NFATC2: variants seen among roughly 807,000 people sequenced by gnomAD.
The protein encoded by NFATC2 is nuclear factor of activated T cells 2.
In NFATC2, 22 loss-of-function variants were observed where a neutral mutation model predicts 87.3. The ratio of observed to expected loss-of-function variants is 0.25; its 90% CI spans 0.18 to 0.36. The LOEUF is 0.36. Among genes scored for constraint, NFATC2 ranks in the 10% least tolerant of loss-of-function variants. The pLI, the probability that NFATC2 is intolerant of heterozygous loss-of-function variation, is 1.00. For synonymous variants in NFATC2, 565 were observed against 542.2 expected (o/e 1.04, Z -0.58); for missense variants, 1,149 against 1,259.1 (o/e 0.91, Z 1.32).
In NFATC2 at chr20:51,394,132, G is replaced by C. The variant is rs558390551; in HGVS notation, c.*45-2681C>G. ...CTGCCGCCCAAACCTCTCTGGGTAGGAACCTCCTCTTTCTGAAATGTCGGC... is the reference window on the plus strand; with the variant it reads ...CTGCCGCCCAAACCTCTCTGGGTAGCAACCTCCTCTTTCTGAAATGTCGGC... On this transcript the variant is annotated intron_variant, in intron 10 of 10. Transcript: ENST00000371564. Among the ~76,000 whole-genome samples the C allele has an allele frequency of 7.2e-4, 109 of 152,256 alleles. 1 individual carries two copies. Among genetic ancestry groups the C allele is most frequent in the African/African-American group, 2.6e-3 (106 of 41,538 alleles).
intron 3 of NFATC2, among the ~76,000 whole-genome samples, chr20:51,490,468 T>C (rs1449455535): frequency 6.6e-6 from 1 of 152,194 alleles, no homozygotes; most frequent in Non-Finnish European, 1.5e-5. Flanking sequence ...ACCTCAGTCA[T>C]TTTCCAGCCT....
At chr20:51,474,963 CTTTAT>C (rs952489727) in intron 4 of NFATC2, among the ~76,000 whole-genome samples, 2 of 147,162 alleles carry the variant, frequency 1.4e-5, no homozygotes, top group Non-Finnish European at 3.0e-5. Context: ...ACATATTATA[CTTTAT>C]TTATTTTTTT....
chr20:51,407,066 G>A (rs148659351), intron 9 of NFATC2, among the ~76,000 whole-genome samples: 4 of 152,232 alleles, frequency 2.6e-5, no homozygotes, highest in African/African-American at 4.8e-5. Context: ...GCCTGCTCAC[G>A]CCCCAGGGCC....
intron 9 of NFATC2, among the ~76,000 whole-genome samples, chr20:51,414,517 C>T (rs1198125407): frequency 1.3e-5 from 2 of 151,972 alleles, no homozygotes; most frequent in Admixed American, 6.5e-5. Context: ...GGCAAAACTC[C>T]ATCTCTACTA....
chr20:51,420,132 C>G (rs565476719), intron 9 of NFATC2, among the ~76,000 whole-genome samples: 2 of 152,234 alleles, frequency 1.3e-5, no homozygotes, highest in African/African-American at 4.8e-5. Flanking sequence ...AAGCATTCAT[C>G]CTGCTTTTCC....
rs977196033 is a variant in NFATC2, at chr20:51,562,143, T to C, written c.70+417A>G. Among the ~76,000 whole-genome samples, 23 of 152,196 alleles carry C rather than the reference T, an allele frequency of 1.5e-4. No homozygotes were observed. Among genetic ancestry groups the C allele is most frequent in the African/African-American group, 5.1e-4 (21 of 41,458 alleles). ...TTGCTGTATAGTAAAATGCCAAGCC[T>C]GTTCTCTTAAAAGAAAAAAAAGTAA... On this transcript the variant is annotated intron_variant, in intron 1 of 10. Transcript: ENST00000414705. The surrounding 1 kb of genome is among the most constrained non-coding windows in gnomAD (Gnocchi z 5.8).
At chr20:51,550,646 C>T (rs529122286) in intron 1 of NFATC2, among the ~76,000 whole-genome samples, 89 of 151,912 alleles carry the variant, frequency 5.9e-4, no homozygotes, top group Non-Finnish European at 1.1e-3. Context: ...ATATGCTTAA[C>T]CCACTGAACA....
chr20:51,447,245 A>C (rs909660787), intron 6 of NFATC2, among the ~76,000 whole-genome samples: 4 of 152,188 alleles, frequency 2.6e-5, no homozygotes, highest in African/African-American at 9.7e-5. Flanking sequence ...TTTCTAAAAA[A>C]TCAATTTGTC....
At chr20:51,547,905 T>C (rs547215467) in intron 1 of NFATC2, among the ~76,000 whole-genome samples, 1 of 152,306 alleles carries the variant, frequency 6.6e-6, no homozygotes, top group Admixed American at 6.5e-5. Context: ...TCATTATTTC[T>C]TACTTGGACA....
chr20:51,445,629 T>G (rs1479893219), intron 6 of NFATC2, among the ~76,000 whole-genome samples: 1 of 152,174 alleles, frequency 6.6e-6, no homozygotes, highest in Non-Finnish European at 1.5e-5. Context: ...CTCCACACGC[T>G]TTTCTCTCTT....
At chr20:51,449,379 A>T (rs2146406796) in intron 6 of NFATC2, among the ~76,000 whole-genome samples, 1 of 152,168 alleles carries the variant, frequency 6.6e-6, no homozygotes, top group Middle Eastern at 3.4e-3. Flanking sequence ...AGAGCCAGAC[A>T]TCCCCCGCAG....
chr20:51,445,026 T>C (rs228834), intron 6 of NFATC2, among the ~76,000 whole-genome samples: 138,190 of 152,010 alleles, frequency 0.91, 62,981 homozygotes, highest in African/African-American at 0.97. Context: ...CACCTCCCAG[T>C]TTCTCCGAGT....
intron 9 of NFATC2, among the ~76,000 whole-genome samples, chr20:51,405,890 C>A (rs1988519300): frequency 6.6e-6 from 1 of 152,212 alleles, no homozygotes; most frequent in African/African-American, 2.4e-5. Flanking sequence ...GATTCTCCTG[C>A]CTCAGCCTCC....
At chr20:51,484,305 G>C (rs1433705300) in intron 3 of NFATC2, among the ~76,000 whole-genome samples, 1 of 152,054 alleles carries the variant, frequency 6.6e-6, no homozygotes, top group Non-Finnish European at 1.5e-5. Context: ...AGCCTTCCCA[G>C]ACAGCCGCAC....
Position 51,521,552 on chromosome 20 carries a change from C to T in NFATC2, c.1160+1529G>A, listed in dbSNP as rs2076445306. Among the ~76,000 whole-genome samples, 3 of 152,300 alleles carry T rather than the reference C, an allele frequency of 2.0e-5. No homozygotes were observed. In the South Asian group the frequency reaches 6.2e-4, roughly 32 times the overall value. On this transcript the variant is annotated intron_variant, in intron 2 of 10. Transcript: ENST00000371564. ...GCAAGGCTGGTCTTGAATTTGCTACCTCAGGTGATTCGCCCACCTCGGCCT... is the reference window on the plus strand; with the variant it reads ...GCAAGGCTGGTCTTGAATTTGCTACTTCAGGTGATTCGCCCACCTCGGCCT...
At chr20:51,439,953 A>G (rs1984088085) in intron 6 of NFATC2, among the ~76,000 whole-genome samples, 1 of 152,198 alleles carries the variant, frequency 6.6e-6, no homozygotes, top group African/African-American at 2.4e-5. Context: ...ATAAATGTTC[A>G]GGGCCGGGCA....
intron 1 of NFATC2, among the ~76,000 whole-genome samples, chr20:51,560,629 G>C: frequency 6.6e-6 from 1 of 152,230 alleles, no homozygotes; most frequent in East Asian, 1.9e-4. Flanking sequence ...CAAGCCAGCT[G>C]TCTCTGATGC....
At chr20:51,538,749 T>C (rs2076760387) in intron 1 of NFATC2, among the ~76,000 whole-genome samples, 1 of 152,192 alleles carries the variant, frequency 6.6e-6, no homozygotes, top group Non-Finnish European at 1.5e-5. Flanking sequence ...CTGTGTTGAT[T>C]TAAATGGGTT....
At chr20:51,462,280 C>CAAAA (rs56939528) in intron 5 of NFATC2, among the ~76,000 whole-genome samples, 5 of 128,708 alleles carry the variant, frequency 3.9e-5, no homozygotes, top group African/African-American at 1.5e-4. Flanking sequence ...GCTAATAATA[C>CAAAA]AAAAAAAAAA....
Sources: gnomAD v4.1 joint callset for allele counts (sites outside exome capture counted in the v4.1 genomes callset) on GRCh38, gnomAD v4.1.1 for gene constraint, Gnocchi (gnomAD v3.1) non-coding constraint, MANE v1.5 for transcripts, NCBI Gene and HGNC (gene_info 2026-07-23, HGNC 2026-07-21) for gene names.